SDK2: variants seen among roughly 807,000 people sequenced by gnomAD.
SDK2 encodes protein sidekick-2.
In SDK2, 105 loss-of-function variants were observed where a neutral mutation model predicts 253.9. That is an observed-to-expected ratio of 0.41 (90% CI 0.35 to 0.49). The LOEUF (loss-of-function observed/expected upper bound fraction) is 0.49, where lower values mean the gene tolerates loss of function less well. SDK2 is among the 20% of genes least tolerant of loss of function. The probability of loss-of-function intolerance (pLI) is 0.06; values close to 1 mark genes in which losing one functional copy is unlikely to be tolerated. For missense variants in SDK2, 2,608 were observed against 3,003.0 expected, an observed-to-expected ratio of 0.87 and a Z score of 3.07; for synonymous variants, 1,249 against 1,234.9, an observed-to-expected ratio of 1.01 and a Z score of -0.24.
At chr17:73,594,629 A>C (rs1230804077) in intron 1 of SDK2, among the ~76,000 whole-genome samples, 1 of 152,172 alleles carries the variant, frequency 6.6e-6, no homozygotes, top group Non-Finnish European at 1.5e-5. Flanking sequence ...AAATACACAC[A>C]GAACACACAG....
rs150389540 is a variant in SDK2, at chr17:73,401,657, T to C, written c.2776A>G (p.Thr926Ala). The C allele has an allele frequency of 3.5e-5, 56 of 1,586,682 alleles. No individual in the cohort carries two copies. In the African/African-American group the frequency reaches 6.0e-4, roughly 17 times the overall value. Residue 926 changes from threonine (T) to alanine (A), a missense_variant, in exon 20 of 45, where the codon ACA (threonine) becomes GCA (alanine). This residue lies in a region of SDK2 where 1,505 missense variants were observed against 1,859.1 expected (regional missense o/e 0.81). Coordinates refer to ENST00000392650, the MANE Select transcript of SDK2 (RefSeq NM_001144952.2). ...TCAGAAACACTGCAGTGCCTACCTG[T>C]GAGGATGCCATTTTTCTCTCCCGGC... ...QEPGEKNGIL[T>A]GYRISWEEYN...
At chr17:73,411,997 C>CGTATATATATATCT (rs2063132533) in intron 18 of SDK2, among the ~76,000 whole-genome samples, 1 of 135,606 alleles carries the variant, frequency 7.4e-6, no homozygotes, top group East Asian at 2.2e-4. Flanking sequence ...TATATATATA[C>CGTATATATATATCT]ACACATATAT....
At chr17:73,357,945 G>A (rs1300506835) in intron 40 of SDK2, 134 bp downstream of exon 40, 11 of 1,348,036 alleles carry the variant, frequency 8.2e-6, no homozygotes, top group Non-Finnish European at 1.0e-5. Context: ...CCTCAACAGG[G>A]CCAGGTGACT....
rs2062808322 is a variant in SDK2 at position 73,379,056 on chromosome 17, G to A, written c.4980+121C>T. On this transcript the variant is annotated intron_variant, in intron 36 of 44. Transcript: ENST00000392650. This position sits in a 1 kb window ranked among gnomAD's most constrained non-coding sequence, Gnocchi z 4.5. ...GTACCACAGAGCCTGAAGGGCCGAG[G>A]AGCTGGCTGGATGAATGGAGGGCCT... 1 of 713,440 alleles carries A rather than the reference G, an allele frequency of 1.4e-6. No individual in the cohort carries two copies. The allele number at this position is 713,440 out of a possible 1,614,324, so 44.2% of individuals were successfully genotyped here. A position where few individuals can be genotyped will look rare whatever the true frequency, so the allele number is the denominator to read the frequency against.
At chr17:73,567,628 C>T (rs933441647) in intron 1 of SDK2, among the ~76,000 whole-genome samples, 2 of 152,264 alleles carry the variant, frequency 1.3e-5, no homozygotes, top group Admixed American at 6.5e-5. Flanking sequence ...CCTTACAAAG[C>T]CAGAGGGGTG....
chr17:73,428,796 G>A (rs1005448077), intron 12 of SDK2, among the ~76,000 whole-genome samples: 3 of 152,164 alleles, frequency 2.0e-5, no homozygotes, highest in Admixed American at 6.5e-5. Flanking sequence ...ACTGGGGTGG[G>A]AGCTGCTGGG....
At chr17:73,388,207 C>A (rs2062890967) in intron 29 of SDK2, among the ~76,000 whole-genome samples, 170 bp from the exon 30 acceptor site, 1 of 152,168 alleles carries the variant, frequency 6.6e-6, no homozygotes, top group African/African-American at 2.4e-5. Flanking sequence ...CTGGGTACAG[C>A]CAGCACCCCT....
intron 1 of SDK2, among the ~76,000 whole-genome samples, chr17:73,554,244 T>C (rs1217481434): frequency 1.3e-5 from 2 of 152,188 alleles, no homozygotes; most frequent in East Asian, 1.9e-4. Context: ...CAATCCATTA[T>C]GTAAAGGCAC....
rs1038482629 is a variant in SDK2, at chr17:73,447,198, CAGTT to C, written c.613+413_613+416del. Among the ~76,000 whole-genome samples, 1 of 152,132 alleles carries C rather than the reference CAGTT, an allele frequency of 6.6e-6. No individual in the cohort carries two copies. The highest frequency in any genetic ancestry group is 1.5e-5 in the Non-Finnish European group (1 of 68,034). On this transcript the variant is annotated intron_variant, in intron 5 of 44. Transcript: ENST00000392650. The surrounding 1 kb of genome is among the most constrained non-coding windows in gnomAD (Gnocchi z 4.0). ...TTCTTATGTGACAGCCAAGTAGAGACAGTTAGTATATTTCTGTAAAAACAAGCTT... is the reference window on the plus strand; with the variant it reads ...TTCTTATGTGACAGCCAAGTAGAGACAGTATATTTCTGTAAAAACAAGCTT...
intron 40 of SDK2, among the ~76,000 whole-genome samples, chr17:73,355,182 T>A (rs866728193): frequency 0.02 from 810 of 41,536 alleles, 34 homozygotes; most frequent in Middle Eastern, 0.04. Flanking sequence ...ATATTTTTTT[T>A]TTTTTTTTTT....
intron 8 of SDK2, among the ~76,000 whole-genome samples, chr17:73,437,094 G>T (rs983704195): frequency 2.0e-5 from 3 of 152,126 alleles, no homozygotes; most frequent in African/African-American, 7.2e-5. Context: ...TCTCAGAAGG[G>T]AAGTCATTAC....
In SDK2 at chr17:73,640,152, C is replaced by A. The variant is rs182592145; in HGVS notation, c.64+3873G>T. On this transcript the variant is annotated intron_variant, in intron 1 of 44. Coordinates refer to ENST00000392650, the MANE Select transcript of SDK2 (RefSeq NM_001144952.2). ...TGGCCTCCTTCCCAGCCTCCTTTCC[C>A]TTGTAGAACAAGGTTCCTGGCCCCT... Among the ~76,000 whole-genome samples the A allele has an allele frequency of 2.6e-5, 4 of 152,078 alleles. No individual in the cohort carries two copies. The East Asian group carries it at 7.8e-4, about 29-fold the overall frequency.
At chr17:73,600,113 C>A (rs1375925033) in intron 1 of SDK2, among the ~76,000 whole-genome samples, 1 of 152,202 alleles carries the variant, frequency 6.6e-6, no homozygotes, top group Admixed American at 6.5e-5. Context: ...GGTCCTTGTG[C>A]TGGACAGGAG....
chr17:73,526,106 C>T (rs2064123186), intron 1 of SDK2, among the ~76,000 whole-genome samples: 2 of 152,236 alleles, frequency 1.3e-5, no homozygotes, highest in South Asian at 4.1e-4. Flanking sequence ...CTCCAATGAG[C>T]ATCCTAAATG....
intron 40 of SDK2, among the ~76,000 whole-genome samples, chr17:73,353,700 A>ATTTTTTTTTTTTTTTTTTTTTTTTTTT (rs11370066): frequency 1.0e-5 from 1 of 97,222 alleles, no homozygotes; most frequent in Non-Finnish European, 1.9e-5. Flanking sequence ...TGCCTGGCCA[A>ATTTTTTTTTTTTTTTTTTTTTTTTTTT]TTTTTTTTTT....
At chr17:73,478,373 T>C (rs1424632809) in intron 2 of SDK2, among the ~76,000 whole-genome samples, 1 of 151,998 alleles carries the variant, frequency 6.6e-6, no homozygotes, top group East Asian at 1.9e-4. Flanking sequence ...AGTTCAATGG[T>C]CAAAAGCAGC....
chr17:73,362,188 C>A (rs769692740), intron 38 of SDK2, among the ~76,000 whole-genome samples: 4 of 152,184 alleles, frequency 2.6e-5, no homozygotes, highest in African/African-American at 9.7e-5. Context: ...AACCTCTGCA[C>A]CCCAAATATG....
Position 73,639,957 on chromosome 17 carries a change from C to T in SDK2, c.64+4068G>A, listed in dbSNP as rs148077360. Among the ~76,000 whole-genome samples, 781 of 152,206 alleles carry T rather than the reference C, an allele frequency of 5.1e-3. 2 individuals are homozygous for T. The highest frequency in any genetic ancestry group is 0.017 in the Middle Eastern group (5 of 294). On this transcript the variant is annotated intron_variant, in intron 1 of 44. Transcript: ENST00000392650. The surrounding 1 kb of genome is among the most constrained non-coding windows in gnomAD (Gnocchi z 4.3). ...GTCTTTCAAGTCAAATGCAATGATT[C>T]CCATTAGTCCTTAGGACAGAAGATA...
chr17:73,502,970 T>G (rs963880396), intron 2 of SDK2, among the ~76,000 whole-genome samples: 1 of 152,208 alleles, frequency 6.6e-6, no homozygotes, highest in Admixed American at 6.5e-5. Context: ...GTGTGAAGCA[T>G]CAAAGACACA....
Sources: allele counts gnomAD v4.1 joint callset (sites outside exome capture counted in the v4.1 genomes callset), GRCh38; gene constraint gnomAD v4.1.1; regional missense constraint gnomAD v4.1.1; non-coding constraint Gnocchi (gnomAD v3.1); transcripts MANE v1.5; gene names NCBI Gene and HGNC (gene_info 2026-07-23, HGNC 2026-07-21).